MYO1B: variants seen among roughly 807,000 people sequenced by gnomAD.
The protein encoded by MYO1B is unconventional myosin-Ib.
Under a neutral mutation model 159.7 loss-of-function variants are expected in MYO1B, and 72 were observed. That is an observed-to-expected ratio of 0.45 (90% CI 0.37 to 0.55). MYO1B has a LOEUF of 0.55. Ranked by LOEUF, MYO1B falls within the 20% of genes least tolerant of loss-of-function variation. The probability of loss-of-function intolerance (pLI) is 0.00; values close to 1 mark genes in which losing one functional copy is unlikely to be tolerated. For synonymous variants in MYO1B, 468 were observed against 473.8 expected (o/e 0.99, Z 0.16); for missense variants, 1,062 against 1,364.8 (o/e 0.78, Z 3.50).
At chr2:191,403,524 T>A (rs1341864293) in intron 24 of MYO1B, among the ~76,000 whole-genome samples, 1 of 152,168 alleles carries the variant, frequency 6.6e-6, no homozygotes, top group Non-Finnish European at 1.5e-5. Flanking sequence ...ACAGTATTCC[T>A]TATCATTGTT....
At chr2:191,383,947 C>A (rs1695251712) in intron 15 of MYO1B, among the ~76,000 whole-genome samples, 3 of 152,178 alleles carry the variant, frequency 2.0e-5, no homozygotes. Flanking sequence ...TTAAGTGGGA[C>A]CCCAGAAGTG....
chr2:191,266,693 G>A (rs1043052157), intron 1 of MYO1B, among the ~76,000 whole-genome samples: 1 of 152,124 alleles, frequency 6.6e-6, no homozygotes, highest in Non-Finnish European at 1.5e-5. Flanking sequence ...GGTTTTGCCT[G>A]GGATTCTAAG....
intron 19 of MYO1B, 85 bp downstream of exon 19, chr2:191,392,286 A>G: frequency 1.1e-6 from 1 of 949,150 alleles, no homozygotes; most frequent in Non-Finnish European, 1.6e-6. Context: ...TTATAACATT[A>G]TATGAGGGGC....
Position 191,296,297 on chromosome 2 carries a change from T to C in MYO1B, c.251+71T>C, listed in dbSNP as rs1688978812. 1.2e-5 allele frequency: 9 copies of C among 724,482 alleles called. No homozygotes were observed. The East Asian group carries it at 2.9e-4, about 23-fold the overall frequency. 44.9% of individuals were successfully genotyped at this position (724,482 alleles called of 1,614,324 possible). A position where few individuals can be genotyped will look rare whatever the true frequency, so the allele number is the denominator to read the frequency against. On this transcript the variant is annotated intron_variant, in intron 3 of 30. Coordinates refer to ENST00000392318, the MANE Select transcript of MYO1B (RefSeq NM_001130158.3). The stretch of plus-strand genomic sequence containing the variant: ...TGTGTAGTTGACAGATGTGTGCAGC[T>C]GTCTCCTTTGAATTTCAGAATAATG...
At chr2:191,279,355 C>T (rs1687919364) in intron 2 of MYO1B, among the ~76,000 whole-genome samples, 1 of 150,970 alleles carries the variant, frequency 6.6e-6, no homozygotes, top group African/African-American at 2.4e-5. Flanking sequence ...TGGGGGTTTA[C>T]GAATATGTAC....
chr2:191,368,453 C>T (rs1330836120), intron 11 of MYO1B, among the ~76,000 whole-genome samples: 1 of 152,180 alleles, frequency 6.6e-6, no homozygotes, highest in Non-Finnish European at 1.5e-5. Flanking sequence ...TACTTACTTA[C>T]TGTATGCTCT....
intron 3 of MYO1B, among the ~76,000 whole-genome samples, chr2:191,300,687 T>C (rs1689273585): frequency 7.1e-6 from 1 of 141,456 alleles, no homozygotes; most frequent in Non-Finnish European, 1.5e-5. Flanking sequence ...TTGTCCAGGC[T>C]GGTTTCAACT....
intron 7 of MYO1B, among the ~76,000 whole-genome samples, chr2:191,351,606 G>C (rs1333648604): frequency 1.3e-5 from 2 of 152,182 alleles, no homozygotes; most frequent in South Asian, 4.2e-4. Context: ...TTAACTTCTG[G>C]CTGGGCGCAA....
intron 4 of MYO1B, among the ~76,000 whole-genome samples, chr2:191,341,173 T>G (rs1692199313): frequency 6.6e-6 from 1 of 152,178 alleles, no homozygotes; most frequent in Non-Finnish European, 1.5e-5. Flanking sequence ...TATAAATGAT[T>G]GCTTTAAGAA....
intron 3 of MYO1B, among the ~76,000 whole-genome samples, chr2:191,300,829 C>T (rs897963411): frequency 2.6e-5 from 4 of 151,736 alleles, no homozygotes; most frequent in African/African-American, 9.7e-5. Context: ...CATCCAGATA[C>T]TTTTGTAATT....
intron 1 of MYO1B, among the ~76,000 whole-genome samples, chr2:191,266,893 A>G (rs556997314): frequency 6.6e-6 from 1 of 152,332 alleles, no homozygotes; most frequent in Non-Finnish European, 1.5e-5. Flanking sequence ...CACAGTTGGG[A>G]AAAAACTTTT....
At chr2:191,279,065 T>A (rs1574324034) in intron 2 of MYO1B, among the ~76,000 whole-genome samples, 1 of 152,222 alleles carries the variant, frequency 6.6e-6, no homozygotes, top group East Asian at 1.9e-4. Flanking sequence ...TCATGAGTCT[T>A]TAGCAGACGA....
Position 191,370,628 on chromosome 2 carries a change from G to A in MYO1B, c.1185+336G>A, listed in dbSNP as rs191540620. ...AAATTGCGTATTTAAATTTCTAACCGTGAGGCTTCCAACAAGCTACAATGA... is the reference window on the plus strand; with the variant it reads ...AAATTGCGTATTTAAATTTCTAACCATGAGGCTTCCAACAAGCTACAATGA... On this transcript the variant is annotated intron_variant, in intron 13 of 30. Transcript: ENST00000392318. Among the ~76,000 whole-genome samples, 256 of 152,300 alleles carry A rather than the reference G, an allele frequency of 1.7e-3. 1 individual carries two copies. The highest frequency in any genetic ancestry group is 6.1e-3 in the African/African-American group (253 of 41,568).
chr2:191,409,052 A>G lies in MYO1B; in HGVS notation c.2640A>G (p.Lys880=). 6.2e-7 allele frequency: 1 copy of G among 1,609,706 alleles called. No homozygotes were observed. The highest frequency in any genetic ancestry group is 8.5e-7 in the Non-Finnish European group (1 of 1,178,918). Residue 880 remains lysine (K), a synonymous_variant, in exon 26 of 31, where the codon AAA becomes AAG. Coordinates refer to ENST00000392318, the MANE Select transcript of MYO1B (RefSeq NM_001130158.3). ...CTGTCAACCCAACACAGGTGCAAAA[A>G]TACTTCTTGGAAATGAAAAATAAGA... ...YEFTLQRIVQ[K]YFLEMKNKMP... is the part of the protein sequence containing the mutation.
intron 13 of MYO1B, among the ~76,000 whole-genome samples, chr2:191,380,427 C>T (rs1694970673): frequency 6.6e-6 from 1 of 152,172 alleles, no homozygotes; most frequent in Non-Finnish European, 1.5e-5. Context: ...GAGAAGAGTC[C>T]AGTTTACCAG....
intron 20 of MYO1B, among the ~76,000 whole-genome samples, chr2:191,394,948 C>T (rs577834476): frequency 1.3e-5 from 2 of 152,266 alleles, no homozygotes; most frequent in African/African-American, 4.8e-5. Context: ...GAACTACATA[C>T]CTCAACCAGT....
intron 30 of MYO1B, among the ~76,000 whole-genome samples, chr2:191,421,580 A>T (rs1697946488): frequency 6.6e-6 from 1 of 151,770 alleles, no homozygotes; most frequent in Non-Finnish European, 1.5e-5. Context: ...GCTGCAAACG[A>T]TTCCCCTGCC....
At chr2:191,388,284 AAAAAAAAAGG>A (rs1695524009) in intron 17 of MYO1B, 1 of 152,110 alleles carries the variant, frequency 6.6e-6, no homozygotes, top group Admixed American at 6.5e-5. Context: ...CTCAAAAAAA[AAAAAAAAAGG>A]AAAAAGCCTT....
intron 27 of MYO1B, 55 bp downstream of exon 27, chr2:191,411,227 ATATT>A: frequency 8.7e-7 from 1 of 1,155,626 alleles, no homozygotes; most frequent in Middle Eastern, 2.0e-4. Flanking sequence ...TTTCTCAAGT[ATATT>A]TGTACGCCGT....
Sources: allele counts gnomAD v4.1 joint callset (sites outside exome capture counted in the v4.1 genomes callset), GRCh38; gene constraint gnomAD v4.1.1; transcripts MANE v1.5; gene names NCBI Gene and HGNC (gene_info 2026-07-23, HGNC 2026-07-21).